Variants in CFAP70 observed in about 807,000 individuals in gnomAD.
CFAP70 encodes the protein cilia and flagella associated protein 70.
Under a neutral mutation model 137.6 loss-of-function variants are expected in CFAP70, and 81 were observed. The observed-to-expected ratio is 0.59, with a 90% CI of 0.49 to 0.71. The LOEUF (loss-of-function observed/expected upper bound fraction) is 0.71, where lower values mean the gene tolerates loss of function less well. Ranked by LOEUF, CFAP70 falls within the 30% of genes least tolerant of loss-of-function variation. The pLI is 0.00. For missense variants in CFAP70, 976 were observed against 1,226.7 expected, an observed-to-expected ratio of 0.80 and a Z score of 3.05; for synonymous variants, 382 against 423.6, an observed-to-expected ratio of 0.90 and a Z score of 1.20.
chr10:73,302,111 GT>G (rs2048996974), intron 12 of CFAP70, among the ~76,000 whole-genome samples: 1 of 152,204 alleles, frequency 6.6e-6, no homozygotes, highest in African/African-American at 2.4e-5. Flanking sequence ...CAAAGAGTAT[GT>G]GAGAATTAGG....
intron 19 of CFAP70, among the ~76,000 whole-genome samples, chr10:73,286,285 A>C (rs943510737): frequency 1.3e-5 from 2 of 152,138 alleles, no homozygotes; most frequent in Non-Finnish European, 2.9e-5. Context: ...TCTACTAAAA[A>C]TACAAAAAAT....
intron 25 of CFAP70, among the ~76,000 whole-genome samples, chr10:73,263,432 T>C (rs190487376): frequency 5.9e-5 from 9 of 152,362 alleles, no homozygotes; most frequent in Middle Eastern, 3.4e-3. Context: ...ATTGTATTTA[T>C]TATTTATGTC....
upstream of CFAP70, among the ~76,000 whole-genome samples, chr10:73,362,494 C>A (rs2132624693): frequency 6.6e-6 from 1 of 151,842 alleles, no homozygotes; most frequent in African/African-American, 2.4e-5. Flanking sequence ...GATCTTTTGC[C>A]TACTTGGTTA....
At chr10:73,266,832 C>G (rs1200798960) in intron 25 of CFAP70, among the ~76,000 whole-genome samples, 1 of 152,152 alleles carries the variant, frequency 6.6e-6, no homozygotes, top group Non-Finnish European at 1.5e-5. Flanking sequence ...CTGCAAAAAA[C>G]AGCTCATAAT....
intron 9 of CFAP70, among the ~76,000 whole-genome samples, chr10:73,314,594 TTTTA>T (rs1476172676): frequency 3.3e-5 from 5 of 152,094 alleles, no homozygotes; most frequent in African/African-American, 1.2e-4. Context: ...TTCATTACTT[TTTTA>T]TTTTTTATTT....
intron 3 of CFAP70, 85 bp downstream of exon 3, chr10:73,353,471 G>A: frequency 8.3e-7 from 1 of 1,211,568 alleles, no homozygotes; most frequent in African/African-American, 1.5e-5. Flanking sequence ...ATGTTTAAAA[G>A]AATGTTTTGG....
In CFAP70 at chr10:73,291,210, T is replaced by C; in HGVS notation, c.2239+16A>G. On this transcript the variant is annotated intron_variant, in intron 19 of 26. Transcript: ENST00000310715. ...TTTTCTAATAGCCACTCTTCACCTC[T>C]ATTCCCTGGCTCTACCTGCTGGGGC... 6.2e-7 allele frequency: 1 copy of C among 1,613,152 alleles called. No homozygotes were observed. The highest frequency in any genetic ancestry group is 8.5e-7 in the Non-Finnish European group (1 of 1,179,232).
intron 21 of CFAP70, chr10:73,276,168 A>C (rs1374991263): frequency 1.3e-5 from 2 of 150,536 alleles, no homozygotes; most frequent in Non-Finnish European, 2.9e-5. Flanking sequence ...TGCTTACTGC[A>C]GCCTTCTGGC....
intron 14 of CFAP70, among the ~76,000 whole-genome samples, chr10:73,297,512 G>A (rs1240913813): frequency 6.6e-6 from 1 of 152,198 alleles, no homozygotes; most frequent in African/African-American, 2.4e-5. Flanking sequence ...AGGGAGAAAG[G>A]GCTGGGCTGA....
chr10:73,348,653 A>G (rs1227581424), intron 3 of CFAP70, 132 bp from the exon 4 acceptor site: 1 of 598,228 alleles, frequency 1.7e-6, no homozygotes, highest in African/African-American at 1.9e-5. Flanking sequence ...GAAGGCACCA[A>G]CATCACTGAC....
chr10:73,360,285 A>G (rs1256346014), upstream of CFAP70, among the ~76,000 whole-genome samples: 1 of 152,152 alleles, frequency 6.6e-6, no homozygotes, highest in East Asian at 1.9e-4. Flanking sequence ...CATCTCTTCA[A>G]TTTGCTCTCT....
At chr10:73,348,265 G>A (rs1242459885) in intron 4 of CFAP70, 30 bp from the exon 5 acceptor site, 2 of 1,610,754 alleles carry the variant, frequency 1.2e-6, no homozygotes, top group Non-Finnish European at 1.7e-6. Flanking sequence ...TTGAGCCAAA[G>A]AAGAAAGGGT....
intron 10 of CFAP70, 106 bp downstream of exon 11, chr10:73,312,366 TA>T (rs565389632): frequency 1.0e-3 from 845 of 829,118 alleles, no homozygotes; most frequent in Non-Finnish European, 1.3e-3. Flanking sequence ...AAAGTAAAAT[TA>T]AAAAAAAATG....
At chr10:73,300,350 A>G (rs1564807576) in intron 12 of CFAP70, among the ~76,000 whole-genome samples, 6 of 152,150 alleles carry the variant, frequency 3.9e-5, no homozygotes, top group African/African-American at 9.7e-5. Context: ...GAAGTCCACA[A>G]TCAAACTCAC....
rs1419967865 is a variant in CFAP70, at chr10:73,269,723, GAA to G, written c.2926-10_2926-9del. On this transcript the variant is annotated splice_polypyrimidine_tract_variant and intron_variant, in intron 24 of 26. Transcript: ENST00000310715. ...CTCTGTGAGCTCCTCCAGCTTGACAGAAAAATGAGACATGTGAGTTAGCTTAG... is the reference window on the plus strand; with the variant it reads ...CTCTGTGAGCTCCTCCAGCTTGACAGAAATGAGACATGTGAGTTAGCTTAG... 6.3e-7 allele frequency: 1 copy of G among 1,591,290 alleles called. No homozygotes were observed. Among genetic ancestry groups the G allele is most frequent in the Non-Finnish European group, 8.6e-7 (1 of 1,160,182 alleles).
intron 26 of CFAP70, among the ~76,000 whole-genome samples, chr10:73,255,478 C>T (rs767322605): frequency 4.1e-4 from 63 of 152,056 alleles, no homozygotes; most frequent in Non-Finnish European, 7.4e-4. Flanking sequence ...TCACTTGAAC[C>T]GGGAGGTGGA....
intron 7 of CFAP70, among the ~76,000 whole-genome samples, chr10:73,333,875 T>C (rs534283844): frequency 6.6e-6 from 1 of 152,166 alleles, no homozygotes; most frequent in Non-Finnish European, 1.5e-5. Context: ...TATTCTTAAT[T>C]GATCTGATAA....
At chr10:73,360,503 T>C (rs916438282), upstream of CFAP70, among the ~76,000 whole-genome samples, 1 of 152,190 alleles carries the variant, frequency 6.6e-6, no homozygotes, top group Non-Finnish European at 1.5e-5. Context: ...TTCGAGATCA[T>C]TTCAAAACAA....
chr10:73,315,357 G>GTA (rs2050256224), intron 9 of CFAP70, among the ~76,000 whole-genome samples: 1 of 151,538 alleles, frequency 6.6e-6, no homozygotes, highest in African/African-American at 2.4e-5. Flanking sequence ...GTATTCCCTT[G>GTA]TATACATATA....
Sources: allele counts gnomAD v4.1 joint callset (sites outside exome capture counted in the v4.1 genomes callset), GRCh38; gene constraint gnomAD v4.1.1; transcripts MANE v1.5; gene names NCBI Gene and HGNC (gene_info 2026-07-23, HGNC 2026-07-21).